Variants in NOX3 observed in about 807,000 individuals in gnomAD.
NOX3 encodes the protein NADPH oxidase catalytic subunit-like 3.
A neutral mutation model predicts 76.7 loss-of-function variants in NOX3; 74 were observed. The observed-to-expected ratio is 0.96, with a 90% CI of 0.80 to 1.17. The LOEUF is 1.17. Among genes scored for constraint, NOX3 ranks in the 50% most tolerant of loss-of-function variants. NOX3 has a pLI of 0.00. For synonymous variants in NOX3, 263 were observed against 261.1 expected (o/e 1.01, Z -0.07); for missense variants, 695 against 703.3 (o/e 0.99, Z 0.13).
At position 155,428,958 on chromosome 6, in the gene NOX3, G is replaced by A; in HGVS notation, c.981C>T (p.Cys327=). 1 of 1,614,010 alleles carries A rather than the reference G, an allele frequency of 6.2e-7. No individual in the cohort carries two copies. Among genetic ancestry groups the A allele is most frequent in the Non-Finnish European group, 8.5e-7 (1 of 1,179,942 alleles). The change falls in exon 9 of 14, where the codon TGC becomes TGT. Residue 327 remains cysteine, a synonymous_variant. Coordinates refer to ENST00000159060, the MANE Select transcript of NOX3 (RefSeq NM_015718.3). ...MAPGQYILVQ[C]PAISSLEWHP... is the part of the protein sequence containing the mutation. ...GCCACTCCAGCGAAGATATGGCTGG[G>A]CACTGCACCAAGATGTACTGCCCTG...
intron 10 of NOX3, among the ~76,000 whole-genome samples, chr6:155,411,688 C>T (rs111283059): frequency 0.016 from 2,453 of 152,330 alleles, 41 homozygotes; most frequent in African/African-American, 0.022. Flanking sequence ...CTGTGCCTTT[C>T]ACTGCTCCCA....
chr6:155,421,453 C>T (rs1057436954), intron 10 of NOX3, among the ~76,000 whole-genome samples: 4 of 152,110 alleles, frequency 2.6e-5, no homozygotes, highest in African/African-American at 9.7e-5. Context: ...GCCCTCATTG[C>T]CTGGGATGCT....
intron 5 of NOX3, among the ~76,000 whole-genome samples, chr6:155,440,493 A>G (rs917814257): frequency 5.9e-5 from 9 of 152,052 alleles, no homozygotes; most frequent in Non-Finnish European, 1.2e-4. Context: ...TAAAAAAAAA[A>G]AGCTGGGCAT....
At chr6:155,442,608 G>A (rs1490023524) in intron 5 of NOX3, among the ~76,000 whole-genome samples, 1 of 152,238 alleles carries the variant, frequency 6.6e-6, no homozygotes, top group Admixed American at 6.5e-5. Context: ...CACAAAGAAA[G>A]AGGTAGGGGT....
intron 10 of NOX3, among the ~76,000 whole-genome samples, chr6:155,415,153 T>C (rs1406479918): frequency 6.6e-6 from 1 of 152,204 alleles, no homozygotes; most frequent in African/African-American, 2.4e-5. Context: ...CTCATTTTCA[T>C]GTTTTCCCAA....
chr6:155,401,706 G>C (rs1360303600), intron 12 of NOX3, among the ~76,000 whole-genome samples: 1 of 149,820 alleles, frequency 6.7e-6, no homozygotes, highest in African/African-American at 2.5e-5. Flanking sequence ...TCATCGTTAG[G>C]TTGGGTTAAA....
chr6:155,435,439 T>A (rs551800639), intron 7 of NOX3, among the ~76,000 whole-genome samples: 54 of 152,296 alleles, frequency 3.5e-4, no homozygotes, highest in South Asian at 1.5e-3. Context: ...CTAATGGGCA[T>A]ATCTATTCCG....
chr6:155,441,426 G>A (rs1776984166), intron 5 of NOX3, among the ~76,000 whole-genome samples: 1 of 152,186 alleles, frequency 6.6e-6, no homozygotes, highest in Non-Finnish European at 1.5e-5. Flanking sequence ...CATATGATAT[G>A]CTAATTTCAC....
intron 4 of NOX3, among the ~76,000 whole-genome samples, chr6:155,445,043 C>T (rs916025918): frequency 1.3e-5 from 2 of 152,126 alleles, no homozygotes; most frequent in Non-Finnish European, 2.9e-5. Context: ...GCTTAAGAAC[C>T]CAGCATCGTC....
At chr6:155,404,218 A>G (rs901367847) in intron 12 of NOX3, among the ~76,000 whole-genome samples, 2 of 151,924 alleles carry the variant, frequency 1.3e-5, no homozygotes, top group Non-Finnish European at 2.9e-5. Flanking sequence ...TCTACCTACA[A>G]TCTTTTCAAG....
At chr6:155,450,307 T>C (rs1211875066) in intron 4 of NOX3, among the ~76,000 whole-genome samples, 6 of 152,192 alleles carry the variant, frequency 3.9e-5, no homozygotes, top group Non-Finnish European at 7.3e-5. Context: ...TGTGAATGTA[T>C]TATCTTGGAC....
rs765332323 is a variant in NOX3 at position 155,396,969 on chromosome 6, T to C, written c.1581-7A>G. 1.9e-6 allele frequency: 3 copies of C among 1,601,874 alleles called. No homozygotes were observed. The East Asian group carries it at 6.7e-5, about 36-fold the overall frequency. On this transcript the variant is annotated splice_polypyrimidine_tract_variant and splice_region_variant and intron_variant, in intron 12 of 13. Coordinates refer to ENST00000159060, the MANE Select transcript of NOX3 (RefSeq NM_015718.3). ...GAACACGCCAATACTGCTGCTGCAG[T>C]AGGGGTAAGAAAAGGAAATAAAATG...
chr6:155,397,208 G>A (rs1012122496), intron 12 of NOX3, among the ~76,000 whole-genome samples: 1 of 152,080 alleles, frequency 6.6e-6, no homozygotes, highest in African/African-American at 2.4e-5. Flanking sequence ...CTGGAAAGGG[G>A]CCATGAAACT....
chr6:155,448,738 G>C (rs1777096613), intron 4 of NOX3, among the ~76,000 whole-genome samples: 2 of 151,764 alleles, frequency 1.3e-5, no homozygotes, highest in South Asian at 4.2e-4. Context: ...TTTTTCAGGA[G>C]ATCAAAGTGA....
At position 155,453,197 on chromosome 6, in the gene NOX3, C is replaced by T. The variant is rs187165317; in HGVS notation, c.340+207G>A. ...TGAAGTTTCACCAACTTTTCTTTGACCAATTGAGGTCTTGGTAGGGGAAAA... is the reference window on the plus strand; with the variant it reads ...TGAAGTTTCACCAACTTTTCTTTGATCAATTGAGGTCTTGGTAGGGGAAAA... On this transcript the variant is annotated intron_variant, in intron 4 of 13. Coordinates refer to ENST00000159060, the MANE Select transcript of NOX3 (RefSeq NM_015718.3). Among the ~76,000 whole-genome samples the T allele has an allele frequency of 7.9e-5, 12 of 152,042 alleles. No homozygotes were observed. The East Asian group carries it at 2.3e-3, about 29-fold the overall frequency.
At chr6:155,434,445 G>A (rs894759082) in intron 7 of NOX3, among the ~76,000 whole-genome samples, 4 of 152,198 alleles carry the variant, frequency 2.6e-5, no homozygotes, top group South Asian at 2.1e-4. Flanking sequence ...ACTGAGACAA[G>A]CTGCGAAGAT....
At chr6:155,452,269 T>A (rs1356932405) in intron 4 of NOX3, among the ~76,000 whole-genome samples, 1 of 152,192 alleles carries the variant, frequency 6.6e-6, no homozygotes, top group African/African-American at 2.4e-5. Context: ...AAAATTTCTT[T>A]CCCTGAGTCT....
intron 12 of NOX3, among the ~76,000 whole-genome samples, chr6:155,399,597 G>A (rs1779192609): frequency 6.6e-6 from 1 of 152,148 alleles, no homozygotes; most frequent in Admixed American, 6.6e-5. Context: ...GACAGCACAA[G>A]CAGTTTGCCT....
Position 155,440,133 on chromosome 6 carries a change from G to T in NOX3, c.491C>A (p.Thr164Lys). The part of the protein sequence containing the change: ...LNPVRTFPTN[T>K]TTELLRTIAG... ...TATTGTCCTTAGCAATTCAGTGGTT[G>T]TGTTCTAAAAAAAACAACAACAACA... Residue 164 changes from threonine to lysine, a missense_variant, in exon 6 of 14, where the codon ACA (threonine) becomes AAA (lysine). Physicochemically the swap from Thr to Lys is moderately conservative, Grantham distance 78. Transcript: ENST00000159060. The T allele has an allele frequency of 3.2e-6, 5 of 1,554,480 alleles. No homozygotes were observed. The highest frequency in any genetic ancestry group is 4.3e-6 in the Non-Finnish European group (5 of 1,153,426).
Sources: allele counts gnomAD v4.1 joint callset (sites outside exome capture counted in the v4.1 genomes callset), GRCh38; gene constraint gnomAD v4.1.1; transcripts MANE v1.5; gene names NCBI Gene and HGNC (gene_info 2026-07-23, HGNC 2026-07-21).